Variants in PCDHA4 observed in about 807,000 individuals in gnomAD.
The protein encoded by PCDHA4 is protocadherin alpha-4.
Under a neutral mutation model 61.4 loss-of-function variants are expected in PCDHA4, and 49 were observed. The observed-to-expected ratio is 0.80, with a 90% CI of 0.63 to 1.01. The LOEUF is 1.01. Among genes scored for constraint, PCDHA4 ranks in the 50% least tolerant of loss-of-function variants. PCDHA4 has a pLI of 0.00. For synonymous variants in PCDHA4, 590 were observed against 550.3 expected (o/e 1.07, Z -1.01); for missense variants, 1,254 against 1,235.8 (o/e 1.01, Z -0.22).
At chr5:140,911,057 TG>T (rs1554194586) in intron 1 of PCDHA4, among the ~76,000 whole-genome samples, 1 of 151,474 alleles carries the variant, frequency 6.6e-6, no homozygotes, top group Non-Finnish European at 1.5e-5. Context: ...TGGTGGGGGG[TG>T]GGTCCTGAGG....
intron 1 of PCDHA4, among the ~76,000 whole-genome samples, chr5:140,894,640 C>T (rs1004479669): frequency 4.6e-5 from 7 of 151,788 alleles, no homozygotes; most frequent in Admixed American, 4.6e-4. Flanking sequence ...CATATCATTA[C>T]TGAGTCTCTC....
chr5:140,970,657 T>C (rs1487534093), intron 1 of PCDHA4, among the ~76,000 whole-genome samples: 1 of 152,232 alleles, frequency 6.6e-6, no homozygotes, highest in Non-Finnish European at 1.5e-5. Context: ...TGAATTGTTA[T>C]CTTTCCAAAT....
intron 1 of PCDHA4, among the ~76,000 whole-genome samples, chr5:140,921,435 A>G (rs997660613): frequency 6.6e-6 from 1 of 152,120 alleles, no homozygotes. Context: ...ATTTTCTTCA[A>G]TGGTGTCTGA....
At chr5:140,883,466 A>G (rs782104317) in intron 1 of PCDHA4, 43 of 1,614,010 alleles carry the variant, frequency 2.7e-5, no homozygotes, top group Non-Finnish European at 3.5e-5. Context: ...GCTGGTGTCC[A>G]CCTACAAGAA....
chr5:140,997,575 C>T (rs565835201), intron 3 of PCDHA4, among the ~76,000 whole-genome samples: 5 of 151,884 alleles, frequency 3.3e-5, no homozygotes, highest in East Asian at 3.9e-4. Context: ...ATGTGTGGTC[C>T]GTTGTTGACT....
Position 140,829,875 on chromosome 5 carries a change from G to A in PCDHA4, c.2385+20303G>A, listed in dbSNP as rs2150176769. 2.5e-6 allele frequency: 4 copies of A among 1,613,828 alleles called. No homozygotes were observed. Among genetic ancestry groups the A allele is most frequent in the Admixed American group, 3.3e-5 (2 of 59,996 alleles). On this transcript the variant is annotated intron_variant, in intron 1 of 3. Transcript: ENST00000530339. ...GCAGGCCAAGTGGTGGCGAAGGTGC[G>A]CGCAGTTGACGCCGACTCAGGCTAC...
chr5:140,852,589 T>TA (rs1324602977), intron 1 of PCDHA4: 6 of 884,534 alleles, frequency 6.8e-6, no homozygotes, highest in African/African-American at 2.0e-5. Flanking sequence ...TTTATTTTTT[T>TA]TTTTTGTCAT....
chr5:140,992,847 A>G (rs183404145), intron 3 of PCDHA4, among the ~76,000 whole-genome samples: 1 of 152,264 alleles, frequency 6.6e-6, no homozygotes, highest in East Asian at 1.9e-4. Flanking sequence ...TTGTATAACA[A>G]CCAGTTTCAC....
chr5:140,850,776 G>A (rs2150497794), intron 1 of PCDHA4: 1 of 1,598,166 alleles, frequency 6.3e-7, no homozygotes, highest in South Asian at 1.1e-5. Context: ...GGTGTGCTCT[G>A]GCGAGGGTAA....
chr5:140,849,038 C>T, intron 1 of PCDHA4: 5 of 1,575,008 alleles, frequency 3.2e-6, no homozygotes, highest in Non-Finnish European at 4.3e-6. Context: ...TCTTCCTGGA[C>T]GTGCCAACCA....
chr5:140,934,688 A>G (rs1554210048), intron 1 of PCDHA4, among the ~76,000 whole-genome samples: 2 of 152,186 alleles, frequency 1.3e-5, no homozygotes, highest in African/African-American at 4.8e-5. Flanking sequence ...CAAAACAATG[A>G]ATTGATTCCT....
intron 1 of PCDHA4, among the ~76,000 whole-genome samples, chr5:140,873,279 A>G (rs1292548146): frequency 6.6e-6 from 1 of 152,200 alleles, no homozygotes; most frequent in African/African-American, 2.4e-5. Flanking sequence ...CCATCATACC[A>G]CTTATGAAAC....
chr5:140,996,301 AC>A (rs1306218777), intron 3 of PCDHA4, among the ~76,000 whole-genome samples: 1 of 152,240 alleles, frequency 6.6e-6, no homozygotes, highest in African/African-American at 2.4e-5. Context: ...ACAGATTGTA[AC>A]AAAGTAAGGG....
At chr5:140,876,635 C>T (rs1554168754) in intron 1 of PCDHA4, 1 of 1,614,208 alleles carries the variant, frequency 6.2e-7, no homozygotes, top group East Asian at 2.2e-5. Flanking sequence ...GTCATCTGCT[C>T]ACTGACACCT....
At chr5:141,006,978 T>C (rs2098297277) in intron 3 of PCDHA4, among the ~76,000 whole-genome samples, 1 of 152,090 alleles carries the variant, frequency 6.6e-6, no homozygotes, top group African/African-American at 2.4e-5. Context: ...CACAGAGAGA[T>C]GTGGGCTTAA....
At position 140,854,813 on chromosome 5, in the gene PCDHA4, C is replaced by T. The variant is rs957346497; in HGVS notation, c.2385+45241C>T. 2.0e-5 allele frequency: 3 copies of T among 149,256 alleles called. 1 individual carries two copies. Among genetic ancestry groups the T allele is most frequent in the Admixed American group, 6.7e-5 (1 of 14,824 alleles). The allele number at this position is 149,256 out of a possible 1,614,324, so 9.2% of individuals were successfully genotyped here. On this transcript the variant is annotated intron_variant, in intron 1 of 3. Coordinates refer to ENST00000530339, the MANE Select transcript of PCDHA4 (RefSeq NM_018907.4). ...GAGAGAGAAAAAAATATTTTTACTGCAAGTGGTGATGAAAAACTTCACTGA... is the reference window on the plus strand; with the variant it reads ...GAGAGAGAAAAAAATATTTTTACTGTAAGTGGTGATGAAAAACTTCACTGA...
chr5:140,941,214 C>CTTTCTTTCTTTCTGTCTTT, intron 1 of PCDHA4, among the ~76,000 whole-genome samples: 1 of 122,492 alleles, frequency 8.2e-6, no homozygotes, highest in African/African-American at 3.1e-5. Flanking sequence ...TTTCTTTCTT[C>CTTTCTTTCTTTCTGTCTTT]CTTTCTTTCT....
At chr5:140,874,217 A>G (rs2054785474) in intron 1 of PCDHA4, among the ~76,000 whole-genome samples, 1 of 152,214 alleles carries the variant, frequency 6.6e-6, no homozygotes, top group African/African-American at 2.4e-5. Flanking sequence ...TATTATATGC[A>G]GTAGGAATGA....
chr5:140,921,268 C>G (rs2080134153), intron 1 of PCDHA4, among the ~76,000 whole-genome samples: 1 of 151,980 alleles, frequency 6.6e-6, no homozygotes, highest in Non-Finnish European at 1.5e-5. Context: ...GACTTTTATA[C>G]TTACTTGAAA....
Sources: gnomAD v4.1 joint callset for allele counts (sites outside exome capture counted in the v4.1 genomes callset) on GRCh38, gnomAD v4.1.1 for gene constraint, MANE v1.5 for transcripts, NCBI Gene and HGNC (gene_info 2026-07-23, HGNC 2026-07-21) for gene names.